The following PSD3 variants were observed in gnomAD, a reference collection of about 807,000 sequenced individuals.
PSD3 encodes the protein pleckstrin and Sec7 domain containing 3, also known as PH and SEC7 domain-containing protein 3.
PSD3 carries 49 observed loss-of-function variants against 105.5 expected under a neutral mutation model. That is an observed-to-expected ratio of 0.46 (90% CI 0.37 to 0.59). The LOEUF (loss-of-function observed/expected upper bound fraction) is 0.59, where lower values mean the gene tolerates loss of function less well. Among genes scored for constraint, PSD3 ranks in the 20% least tolerant of loss-of-function variants. PSD3 has a pLI of 0.00. For missense variants in PSD3, 1,561 were observed against 1,263.8 expected, an observed-to-expected ratio of 1.24 and a Z score of -3.57; for synonymous variants, 557 against 457.8, an observed-to-expected ratio of 1.22 and a Z score of -2.77.
At chr8:18,879,137 AG>A (rs1226187148) in intron 2 of PSD3, among the ~76,000 whole-genome samples, 3 of 152,002 alleles carry the variant, frequency 2.0e-5, no homozygotes, top group Non-Finnish European at 4.4e-5. Flanking sequence ...AAAGATATCA[AG>A]GGGCCTCAGA....
intron 9 of PSD3, among the ~76,000 whole-genome samples, chr8:18,659,019 T>C (rs187339278): frequency 6.6e-6 from 1 of 152,124 alleles, no homozygotes; most frequent in African/African-American, 2.4e-5. Flanking sequence ...AAGTTCCCAG[T>C]AGAGGTTCAG....
chr8:18,916,433 A>G (rs899850186), intron 2 of PSD3, among the ~76,000 whole-genome samples: 7 of 150,724 alleles, frequency 4.6e-5, no homozygotes, highest in Non-Finnish European at 1.0e-4. Context: ...CATTTGTGAC[A>G]AAACGGATAA....
At chr8:19,075,222 A>G (rs1406300739) in intron 1 of PSD3, among the ~76,000 whole-genome samples, 2 of 152,184 alleles carry the variant, frequency 1.3e-5, no homozygotes, top group African/African-American at 2.4e-5. Context: ...TGCTGGGATT[A>G]CAAGCATGAA....
At chr8:19,036,424 G>A (rs1179642666) in intron 1 of PSD3, among the ~76,000 whole-genome samples, 1 of 152,138 alleles carries the variant, frequency 6.6e-6, no homozygotes, top group Non-Finnish European at 1.5e-5. Flanking sequence ...GACCTCTCAA[G>A]TCTTGGAGGT....
At chr8:19,076,980 A>C (rs1287958253) in intron 1 of PSD3, among the ~76,000 whole-genome samples, 3 of 151,974 alleles carry the variant, frequency 2.0e-5, no homozygotes, top group Admixed American at 2.0e-4. Context: ...CTTGACTTTT[A>C]TTTATATATT....
intron 1 of PSD3, among the ~76,000 whole-genome samples, chr8:19,005,580 G>A (rs369416694): frequency 2.6e-5 from 4 of 152,028 alleles, no homozygotes; most frequent in African/African-American, 9.6e-5. Context: ...AACCTCCTGG[G>A]CTCAAGCAAT....
At chr8:18,648,518 C>T (rs1006712221) in intron 10 of PSD3, among the ~76,000 whole-genome samples, 4 of 152,042 alleles carry the variant, frequency 2.6e-5, no homozygotes, top group African/African-American at 9.7e-5. Context: ...TTCTAACAAC[C>T]TATGCTTATA....
chr8:18,585,577 C>G (rs1167200168), intron 12 of PSD3, among the ~76,000 whole-genome samples: 1 of 152,114 alleles, frequency 6.6e-6, no homozygotes, highest in Non-Finnish European at 1.5e-5. Context: ...CTCAGCCTCC[C>G]AAAGTGCTGG....
chr8:18,834,407 A>T (rs777753357), intron 4 of PSD3, among the ~76,000 whole-genome samples: 19 of 152,194 alleles, frequency 1.2e-4, no homozygotes, highest in Non-Finnish European at 2.8e-4. Flanking sequence ...AAATCAAAAA[A>T]TCGGCAAAAT....
chr8:19,078,223 A>G (rs1031156415), intron 1 of PSD3, among the ~76,000 whole-genome samples: 1 of 152,042 alleles, frequency 6.6e-6, no homozygotes, highest in Admixed American at 6.6e-5. Context: ...TCAAAGATAA[A>G]ATTTTTACCG....
intron 1 of PSD3, among the ~76,000 whole-genome samples, chr8:19,077,192 T>G (rs886185299): frequency 1.3e-5 from 2 of 152,172 alleles, no homozygotes; most frequent in African/African-American, 4.8e-5. Flanking sequence ...ATACAATCAG[T>G]GAGAACTCAA....
At chr8:18,916,347 T>C (rs376725103) in intron 2 of PSD3, among the ~76,000 whole-genome samples, 21,886 of 52,550 alleles carry the variant, frequency 0.42, 4,786 homozygotes, top group African/African-American at 0.53. Context: ...TATATATATA[T>C]ATACACACAC....
intron 9 of PSD3, among the ~76,000 whole-genome samples, chr8:18,750,689 T>A (rs1805405634): frequency 6.6e-6 from 1 of 152,084 alleles, no homozygotes; most frequent in African/African-American, 2.4e-5. Context: ...GACAGGGCGC[T>A]GAGTGGTGCG....
At chr8:18,853,100 T>C (rs963472613) in intron 4 of PSD3, among the ~76,000 whole-genome samples, 2 of 152,168 alleles carry the variant, frequency 1.3e-5, no homozygotes, top group Non-Finnish European at 2.9e-5. Context: ...ATAAAATATA[T>C]TTCATGGCCT....
At chr8:18,765,826 G>C (rs1806938720) in intron 8 of PSD3, among the ~76,000 whole-genome samples, 1 of 151,988 alleles carries the variant, frequency 6.6e-6, no homozygotes, top group African/African-American at 2.4e-5. Flanking sequence ...GAATTAGTTT[G>C]GCATGGTGGC....
intron 15 of PSD3, among the ~76,000 whole-genome samples, chr8:18,544,106 A>G (rs1280705492): frequency 2.0e-5 from 3 of 151,100 alleles, no homozygotes; most frequent in Admixed American, 2.0e-4. Flanking sequence ...GAAAAGCAAT[A>G]ATCTCATGTA....
chr8:18,786,999 C>T (rs368581526), intron 8 of PSD3, among the ~76,000 whole-genome samples: 5 of 152,296 alleles, frequency 3.3e-5, no homozygotes, highest in Admixed American at 6.5e-5. Flanking sequence ...ATACTCCTCA[C>T]GATGTCTGGA....
At chr8:18,953,418 T>C (rs758505497) in intron 1 of PSD3, among the ~76,000 whole-genome samples, 5 of 152,184 alleles carry the variant, frequency 3.3e-5, no homozygotes, top group Admixed American at 6.5e-5. Flanking sequence ...CTGTTTGTAA[T>C]AGCAAAAGCT....
chr8:18,971,163 C>G (rs981429250), intron 1 of PSD3, among the ~76,000 whole-genome samples: 1 of 152,022 alleles, frequency 6.6e-6, no homozygotes, highest in African/African-American at 2.4e-5. Context: ...ATGTAGATTA[C>G]AAATTAAAAA....
Sources: allele counts gnomAD v4.1 joint callset (sites outside exome capture counted in the v4.1 genomes callset), GRCh38; gene constraint gnomAD v4.1.1; transcripts MANE v1.5; gene names NCBI Gene and HGNC (gene_info 2026-07-23, HGNC 2026-07-21).